The following SYP variants were observed in gnomAD, a reference collection of about 807,000 sequenced individuals.
The protein encoded by SYP is synaptophysin, also known as major synaptic vesicle protein P38.
SYP carries 2 observed loss-of-function variants against 24.3 expected under a neutral mutation model. The ratio of observed to expected loss-of-function variants is 0.08; its 90% CI spans 0.03 to 0.26. SYP has a LOEUF of 0.26. Ranked by LOEUF, SYP falls within the 10% of genes least tolerant of loss-of-function variation. SYP has a pLI of 1.00. For missense variants in SYP, 216 were observed against 266.3 expected (o/e 0.81, Z 1.32); for synonymous variants, 143 against 123.2 (o/e 1.16, Z -1.07).
In SYP at chrX:49,188,219, A is replaced by G. The variant is rs2065494026; in HGVS notation, c.*1068T>C. The G allele has an allele frequency of 9.0e-6, 1 of 111,170 alleles. No homozygotes were observed. Among genetic ancestry groups the G allele is most frequent in the Admixed American group, 9.5e-5 (1 of 10,527 alleles). 9.2% of individuals were successfully genotyped at this position (111,170 alleles called of 1,213,427 possible). On this transcript the variant is annotated 3_prime_UTR_variant, in exon 7 of 7. Transcript: ENST00000263233. ...TCTGGATCCCACGCCTCACCCTACA[A>G]GCCATATCACTCGACTCTTCTCAGG...
chrX:49,198,947 A>G, intron 2 of SYP, 21 bp downstream of exon 2: 1 of 1,209,124 alleles, frequency 8.3e-7, no homozygotes, highest in Non-Finnish European at 1.1e-6. Flanking sequence ...ACTCTGCCCC[A>G]ACAGCCCGGA....
rs1353966234 is a variant in SYP, at chrX:49,192,243, G to A, written c.616-480C>T. ...GAGTTTCGCTCTTGTTGCCCAGGCG[G>A]GAGTGCAATGGCACGATCTCGGCTC... On this transcript the variant is annotated intron_variant, in intron 5 of 6. Transcript: ENST00000263233. 2.7e-5 allele frequency among the ~76,000 whole-genome samples: 3 copies of A among 111,847 alleles called. No individual in the cohort carries two copies. In the Admixed American group the frequency reaches 2.8e-4, roughly 11 times the overall value.
chrX:49,197,741 G>A lies in SYP; in HGVS notation c.201C>T (p.Ile67=). ...TGAAGGGGTACTCGAACTCGACCTCGATGCTGAGGTCACTCTCGGTCTTGT... is the reference window on the plus strand; with the variant it reads ...TGAAGGGGTACTCGAACTCGACCTCAATGCTGAGGTCACTCTCGGTCTTGT... ...CANKTESDLS[I]EVEFEYPFRL... Residue 67 remains isoleucine (I), a synonymous_variant, in exon 3 of 7, where the codon ATC becomes ATT. Coordinates refer to ENST00000263233, the MANE Select transcript of SYP (RefSeq NM_003179.3). 8.3e-7 allele frequency: 1 copy of A among 1,208,122 alleles called. No individual in the cohort carries two copies.
chrX:49,191,409 C>T (rs782014669), intron 6 of SYP, 24 bp downstream of exon 6: 4 of 1,203,894 alleles, frequency 3.3e-6, no homozygotes, highest in South Asian at 3.6e-5. Context: ...CCCTCCTTGG[C>T]CGCACCGCTC....
intron 1 of SYP, 136 bp from the exon 2 acceptor site, chrX:49,199,169 T>C (rs782018749): frequency 6.6e-6 from 4 of 606,959 alleles, no homozygotes; most frequent in Non-Finnish European, 1.1e-5. Context: ...AAGTGACACC[T>C]TGGGGATGGT....
Position 49,191,151 on chromosome X carries a change from T to C in SYP, c.*4+282A>G. On this transcript the variant is annotated intron_variant, in intron 6 of 6. Coordinates refer to ENST00000263233, the MANE Select transcript of SYP (RefSeq NM_003179.3). The stretch of plus-strand genomic sequence containing the variant: ...TCCCTCCCTTTATTGGTTGCTCTGC[T>C]TCTCTCCCCCCGCCTTTCCGCCGAG... 3 of 403,718 alleles carry C rather than the reference T, an allele frequency of 7.4e-6. No individual in the cohort carries two copies. In the South Asian group the frequency reaches 1.0e-4, roughly 14 times the overall value. The allele number at this position is 403,718 out of a possible 1,213,427, so 33.3% of individuals were successfully genotyped here. A position where few individuals can be genotyped will look rare whatever the true frequency, so the allele number is the denominator to read the frequency against.
At position 49,193,303 on chromosome X, in the gene SYP, T is replaced by C. The variant is rs1291031432; in HGVS notation, c.584A>G (p.Asp195Gly). ...GGTGTTGAGTCCCGAGGTCACAGGG[T>C]CTCTCAGCTCCTTGCATGTGTTCCC... ...QTGNTCKELRDPVTSGLNTSV... is the reference protein window; with the variant it reads ...QTGNTCKELRGPVTSGLNTSV... The change falls in exon 5 of 7, where the codon GAC becomes GGC. Residue 195 changes from aspartate (D) to glycine (G), a missense_variant. By Grantham distance (94) the Asp-to-Gly change is moderately conservative. This residue lies in a region of SYP where 114 missense variants were observed against 107.9 expected (regional missense o/e 1.06). Transcript: ENST00000263233. The C allele has an allele frequency of 1.7e-6, 2 of 1,211,752 alleles. No individual in the cohort carries two copies. Among genetic ancestry groups the C allele is most frequent in the Non-Finnish European group, 1.1e-6 (1 of 895,462 alleles).
At chrX:49,198,260 G>C in intron 2 of SYP, 1 of 188,972 alleles carries the variant, frequency 5.3e-6, no homozygotes. Flanking sequence ...TTTTTTCTCT[G>C]TCTGTGTAAG....
At position 49,194,255 on chromosome X, in the gene SYP, C is replaced by T. The variant is rs781872198; in HGVS notation, c.334G>A (p.Val112Met). 8.3e-6 allele frequency: 10 copies of T among 1,211,528 alleles called. No homozygotes were observed. The highest frequency in any genetic ancestry group is 2.3e-4 in the Middle Eastern group (1 of 4,352). ...CCCATGGAGTAGAGGAAGGCAAACACGGCCACGGTGACAAAGAATTCGGCT... is the reference window on the plus strand; with the variant it reads ...CCCATGGAGTAGAGGAAGGCAAACATGGCCACGGTGACAAAGAATTCGGCT... ...SSAEFFVTVAVFAFLYSMGAL... is the reference protein window; with the variant it reads ...SSAEFFVTVAMFAFLYSMGAL... The change falls in exon 4 of 7, where the codon GTG becomes ATG. Residue 112 changes from valine to methionine, a missense_variant. Around this residue, in one of 2 missense-constraint regions of SYP, gnomAD observed 102 missense variants for 158.4 expected, o/e 0.64. Coordinates refer to ENST00000263233, the MANE Select transcript of SYP (RefSeq NM_003179.3).
In SYP at chrX:49,187,924, G is replaced by A. The variant is rs1557102161; in HGVS notation, c.*1363C>T. ...GTTTGGGAAAGGGTAGGGGTCTGGA[G>A]GGGAGAAGGAGGGGCCACAGCCAGA... is the stretch of plus-strand genomic sequence containing the variant. On this transcript the variant is annotated 3_prime_UTR_variant, in exon 7 of 7. Transcript: ENST00000263233. 1 of 111,494 alleles carries A rather than the reference G, an allele frequency of 9.0e-6. No individual in the cohort carries two copies. The highest frequency in any genetic ancestry group is 3.3e-5 in the African/African-American group (1 of 30,514). 9.2% of individuals were successfully genotyped at this position (111,494 alleles called of 1,213,427 possible).
chrX:49,197,640 G>A (rs782083037), intron 3 of SYP, 75 bp downstream of exon 3: 43 of 1,154,883 alleles, frequency 3.7e-5, no homozygotes, highest in Admixed American at 2.0e-4. Context: ...AGCTACTTGC[G>A]GGGGGAGGTA....
intron 1 of SYP, 85 bp downstream of exon 1, chrX:49,200,066 C>T: frequency 1.8e-6 from 2 of 1,112,771 alleles, no homozygotes; most frequent in East Asian, 6.7e-5. Context: ...CCCTGGCCAC[C>T]ACCTCCCAGA....
At chrX:49,193,027 A>G (rs961906268) in intron 5 of SYP, among the ~76,000 whole-genome samples, 3 of 112,159 alleles carry the variant, frequency 2.7e-5, no homozygotes. Context: ...CTTATTTTAC[A>G]TGTCTAGGCT....
Position 49,188,426 on chromosome X carries a change from C to T in SYP, c.*861G>A, listed in dbSNP as rs1031268419. On this transcript the variant is annotated 3_prime_UTR_variant, in exon 7 of 7. Transcript: ENST00000263233. ...ACCACCATGGAAGCCCCATTCTAAG[C>T]CCCACCCTGTCTGGAACCCTGGCTT... 7.2e-5 allele frequency: 8 copies of T among 111,422 alleles called. No individual in the cohort carries two copies. The highest frequency in any genetic ancestry group is 1.5e-4 in the Non-Finnish European group (8 of 53,112). The allele number at this position is 111,422 out of a possible 1,213,427, so 9.2% of individuals were successfully genotyped here. A position where few individuals can be genotyped will look rare whatever the true frequency, so the allele number is the denominator to read the frequency against.
At chrX:49,199,123 G>A (rs1215975033) in intron 1 of SYP, 90 bp from the exon 2 acceptor site, 10 of 910,395 alleles carry the variant, frequency 1.1e-5, no homozygotes, top group Non-Finnish European at 1.6e-5. Flanking sequence ...CCCAGGGGAT[G>A]GAGCATGTGA....
rs782571575 is a variant in SYP, at chrX:49,198,194, GTC to G, written c.103-357_103-356del. On this transcript the variant is annotated intron_variant, in intron 2 of 6. Coordinates refer to ENST00000263233, the MANE Select transcript of SYP (RefSeq NM_003179.3). ...CTCAGATGTCTCTTTGTCTCTCTGT[GTC>G]TCTGATCCTCTCTGCCTCTGCCTAT... 6 of 264,627 alleles carry G rather than the reference GTC, an allele frequency of 2.3e-5. No homozygotes were observed. The South Asian group carries it at 3.4e-4, about 15-fold the overall frequency. 21.8% of individuals were successfully genotyped at this position (264,627 alleles called of 1,213,427 possible).
intron 1 of SYP, 152 bp downstream of exon 1, chrX:49,199,999 C>T (rs2065545096): frequency 1.5e-6 from 1 of 672,957 alleles, no homozygotes; most frequent in African/African-American, 2.3e-5. Flanking sequence ...CCTTCCTCCC[C>T]TTCACCTGCC....
chrX:49,195,848 T>C lies in SYP; in HGVS notation c.228-1487A>G, dbSNP rs2065526703. On this transcript the variant is annotated intron_variant, in intron 3 of 6. Transcript: ENST00000263233. ...CAGCAATTCTCTAAAGAAGGCATTATTAGACCCTTTTTACAGATGAATAAA... is the reference window on the plus strand; with the variant it reads ...CAGCAATTCTCTAAAGAAGGCATTACTAGACCCTTTTTACAGATGAATAAA... 2.7e-5 allele frequency among the ~76,000 whole-genome samples: 3 copies of C among 112,372 alleles called. No homozygotes were observed. The Admixed American group carries it at 2.8e-4, about 11-fold the overall frequency.
rs782510759 is a variant in SYP at position 49,193,260 on chromosome X, C to T, written c.615+12G>A. ...TCCACTCTCCCTCCTCCAGCCAGCA[C>T]CCAGGGCTTACCACCGAGGTGTTGA... On this transcript the variant is annotated intron_variant, in intron 5 of 6. Transcript: ENST00000263233. The T allele has an allele frequency of 9.9e-6, 12 of 1,209,691 alleles. No homozygotes were observed. Among genetic ancestry groups the T allele is most frequent in the Non-Finnish European group, 1.2e-5 (11 of 894,734 alleles).
Sources: allele counts gnomAD v4.1 joint callset (sites outside exome capture counted in the v4.1 genomes callset), GRCh38; gene constraint gnomAD v4.1.1; regional missense constraint gnomAD v4.1.1; transcripts MANE v1.5; gene names NCBI Gene and HGNC (gene_info 2026-07-23, HGNC 2026-07-21).